Variants in AGAP1 observed in about 807,000 individuals in gnomAD.
AGAP1 encodes the protein ArfGAP with GTPase domain, ankyrin repeat and PH domain 1.
In AGAP1, 29 loss-of-function variants were observed where a neutral mutation model predicts 105.3. The ratio of observed to expected loss-of-function variants is 0.28; its 90% confidence interval spans 0.21 to 0.38. AGAP1 has a LOEUF of 0.38. Ranked by LOEUF, AGAP1 falls within the 10% of genes least tolerant of loss-of-function variation. AGAP1 has a pLI of 1.00. For missense variants in AGAP1, 998 were observed against 1,165.1 expected (o/e 0.86, Z 2.09); for synonymous variants, 509 against 485.9 (o/e 1.05, Z -0.63).
In AGAP1 at chr2:235,744,231, G is replaced by T. The variant is rs1952755163; in HGVS notation, c.397-467G>T. 6.6e-6 allele frequency among the ~76,000 whole-genome samples: 1 copy of T among 152,160 alleles called. No homozygotes were observed. On this transcript the variant is annotated intron_variant, in intron 4 of 17. Coordinates refer to ENST00000304032, the MANE Select transcript of AGAP1 (RefSeq NM_001037131.3). This position sits in a 1 kb window ranked among gnomAD's most constrained non-coding sequence, Gnocchi z 5.2. ...CAGCCGCTGCGGTAGCGAGTGGGAA[G>T]GACTGAGGGGTGGGGAGGTTCTGAG...
chr2:235,617,950 T>G (rs1946361077), intron 1 of AGAP1, among the ~76,000 whole-genome samples: 1 of 152,078 alleles, frequency 6.6e-6, no homozygotes, highest in East Asian at 1.9e-4. Context: ...CTTGTGGTGC[T>G]GTGGGTTTGT....
At chr2:235,667,119 T>C (rs188502392) in intron 1 of AGAP1, among the ~76,000 whole-genome samples, 6 of 152,356 alleles carry the variant, frequency 3.9e-5, no homozygotes, top group Admixed American at 2.0e-4. Context: ...GGGATGGCCC[T>C]GTAGCTGTCT....
Position 235,601,548 on chromosome 2 carries a change from G to A in AGAP1, c.163+106699G>A, listed in dbSNP as rs552199348. ...AGAGAGCTTGCTCAGGCGAACTCCC[G>A]TTTATAAAACCATCAGATCTTGTGA... On this transcript the variant is annotated intron_variant, in intron 1 of 17. Coordinates refer to ENST00000304032, the MANE Select transcript of AGAP1 (RefSeq NM_001037131.3). The surrounding 1 kb of genome is among the most constrained non-coding windows in gnomAD (Gnocchi z 4.4). 2.8e-4 allele frequency among the ~76,000 whole-genome samples: 42 copies of A among 152,280 alleles called. No individual in the cohort carries two copies. The highest frequency in any genetic ancestry group is 5.3e-4 in the Non-Finnish European group (36 of 68,024).
At chr2:235,529,296 CCA>C (rs1327772112) in intron 1 of AGAP1, among the ~76,000 whole-genome samples, 1 of 152,198 alleles carries the variant, frequency 6.6e-6, no homozygotes, top group Non-Finnish European at 1.5e-5. Flanking sequence ...GTTGTAATAG[CCA>C]CAATTTAGTG....
At chr2:235,831,683 T>C (rs1959429663) in intron 9 of AGAP1, among the ~76,000 whole-genome samples, 1 of 152,256 alleles carries the variant, frequency 6.6e-6, no homozygotes, top group South Asian at 2.1e-4. Context: ...TGCCTGGATG[T>C]ACCATGGTGT....
chr2:235,916,398 G>A (rs1463387573), intron 11 of AGAP1, among the ~76,000 whole-genome samples: 10 of 152,232 alleles, frequency 6.6e-5, no homozygotes, highest in African/African-American at 1.2e-4. Flanking sequence ...GAGGTAAAAC[G>A]TCAAGGTATT....
intron 1 of AGAP1, among the ~76,000 whole-genome samples, chr2:235,589,180 T>A (rs1945231556): frequency 7.1e-6 from 1 of 140,784 alleles, no homozygotes; most frequent in Admixed American, 7.3e-5. Context: ...TACCAGTTAA[T>A]AGCTTATTGT....
Position 235,720,542 on chromosome 2 carries a change from T to C in AGAP1, c.310+2898T>C, listed in dbSNP as rs1951329086. ...TCTGTGGCCTTCCCATTTCTTGGTG[T>C]ACTGCTGCCTTCTCATCAGACCTCC... is the stretch of plus-strand genomic sequence containing the variant. On this transcript the variant is annotated intron_variant, in intron 3 of 17. Coordinates refer to ENST00000304032, the MANE Select transcript of AGAP1 (RefSeq NM_001037131.3). This position sits in a 1 kb window ranked among gnomAD's most constrained non-coding sequence, Gnocchi z 5.0. The C allele has an allele frequency of 2.3e-6, 1 of 432,448 alleles. No individual in the cohort carries two copies. The highest frequency in any genetic ancestry group is 9.8e-5 in the South Asian group (1 of 10,196). The allele number at this position is 432,448 out of a possible 1,614,324, so 26.8% of individuals were successfully genotyped here.
At chr2:235,710,565 C>T (rs1227545377) in intron 2 of AGAP1, among the ~76,000 whole-genome samples, 2 of 152,210 alleles carry the variant, frequency 1.3e-5, no homozygotes, top group African/African-American at 2.4e-5. Context: ...GGAGACAAAG[C>T]GTCTCTCAGT....
Position 236,050,697 on chromosome 2 carries a change from A to T in AGAP1, c.2114+1416A>T, listed in dbSNP as rs1426947906. Among the ~76,000 whole-genome samples, 2 of 152,268 alleles carry T rather than the reference A, an allele frequency of 1.3e-5. No individual in the cohort carries two copies. The highest frequency in any genetic ancestry group is 2.9e-5 in the Non-Finnish European group (2 of 68,050). On this transcript the variant is annotated intron_variant, in intron 16 of 17. Transcript: ENST00000304032. The surrounding 1 kb of genome is among the most constrained non-coding windows in gnomAD (Gnocchi z 4.0). ...TTGAGCTTAATATATGAATGCAGAA[A>T]ACATTGAAATAAGCTGGAAAAATCT...
chr2:235,533,558 A>C (rs1943112596), intron 1 of AGAP1, among the ~76,000 whole-genome samples: 1 of 152,348 alleles, frequency 6.6e-6, no homozygotes, highest in Non-Finnish European at 1.5e-5. Flanking sequence ...GCAAAATTAT[A>C]CTCTGGCTGA....
intron 12 of AGAP1, among the ~76,000 whole-genome samples, chr2:235,966,432 G>A (rs931416705): frequency 1.2e-4 from 18 of 152,094 alleles, no homozygotes; most frequent in African/African-American, 4.1e-4. Flanking sequence ...GAAGCTGACA[G>A]CCAGATTTCT....
intron 1 of AGAP1, among the ~76,000 whole-genome samples, chr2:235,515,355 T>C (rs952393996): frequency 1.3e-5 from 2 of 152,120 alleles, no homozygotes; most frequent in African/African-American, 4.8e-5. Context: ...TGGCCCAGAT[T>C]CTGCCACTTC....
At position 236,073,745 on chromosome 2, in the gene AGAP1, G is replaced by C. The variant is rs1351025493; in HGVS notation, c.2114+24464G>C. Among the ~76,000 whole-genome samples the C allele has an allele frequency of 6.6e-6, 1 of 152,114 alleles. No individual in the cohort carries two copies. The highest frequency in any genetic ancestry group is 2.4e-5 in the African/African-American group (1 of 41,410). On this transcript the variant is annotated intron_variant, in intron 16 of 17. Coordinates refer to ENST00000304032, the MANE Select transcript of AGAP1 (RefSeq NM_001037131.3). The surrounding 1 kb of genome is among the most constrained non-coding windows in gnomAD (Gnocchi z 5.4). Reference sequence around the variant, plus strand: ...AACTTGTAACTTCATTGGTGGTGGGGGTACAGGCAGGTCAGCTTGTTCACA... The same window carrying C: ...AACTTGTAACTTCATTGGTGGTGGGCGTACAGGCAGGTCAGCTTGTTCACA...
At chr2:235,817,890 CA>C (rs1026685746) in intron 9 of AGAP1, among the ~76,000 whole-genome samples, 1 of 151,538 alleles carries the variant, frequency 6.6e-6, no homozygotes, top group Non-Finnish European at 1.5e-5. Context: ...GACTCTGTCT[CA>C]AAAAAAAGAA....
At chr2:235,628,071 AG>A (rs1252096272) in intron 1 of AGAP1, among the ~76,000 whole-genome samples, 2 of 152,128 alleles carry the variant, frequency 1.3e-5, no homozygotes, top group Admixed American at 1.3e-4. Flanking sequence ...CCCCGAAGCA[AG>A]GTGGACCTGC....
At chr2:236,108,908 A>G (rs962858679) in intron 16 of AGAP1, among the ~76,000 whole-genome samples, 3 of 152,206 alleles carry the variant, frequency 2.0e-5, no homozygotes, top group African/African-American at 7.2e-5. Context: ...AAAGGCAGTC[A>G]GAAGCTTTGT....
chr2:235,683,696 TCTC>T (rs1949215458), intron 1 of AGAP1, among the ~76,000 whole-genome samples: 2 of 150,770 alleles, frequency 1.3e-5, no homozygotes, highest in African/African-American at 4.9e-5. Flanking sequence ...TTTCTCTCTC[TCTC>T]TTTTTTTTTT....
chr2:236,113,683 C>A lies in AGAP1; in HGVS notation c.2115-6509C>A, dbSNP rs189238048. ...GAAGCCACCTTGGCCAAGTCACCAC[C>A]CCTCAAGGTCAGGTGCGGCAAAGCC... On this transcript the variant is annotated intron_variant, in intron 16 of 17. Transcript: ENST00000304032. This position sits in a 1 kb window ranked among gnomAD's most constrained non-coding sequence, Gnocchi z 4.3. Among the ~76,000 whole-genome samples, 207 of 152,214 alleles carry A rather than the reference C, an allele frequency of 1.4e-3. No individual in the cohort carries two copies. Among genetic ancestry groups the A allele is most frequent in the Non-Finnish European group, 2.1e-3 (144 of 68,014 alleles).
Sources: allele counts gnomAD v4.1 joint callset (sites outside exome capture counted in the v4.1 genomes callset), GRCh38; gene constraint gnomAD v4.1.1; non-coding constraint Gnocchi (gnomAD v3.1); transcripts MANE v1.5; gene names NCBI Gene and HGNC (gene_info 2026-07-23, HGNC 2026-07-21).